The following DPYSL2 variants were observed in gnomAD, a reference collection of about 807,000 sequenced individuals.
The protein encoded by DPYSL2 is dihydropyrimidinase like 2, also known as dihydropyrimidinase-related protein 2.
In DPYSL2, 13 loss-of-function variants were observed where a neutral mutation model predicts 69.9. That is an observed-to-expected ratio of 0.19 (90% CI 0.12 to 0.30). The LOEUF (loss-of-function observed/expected upper bound fraction) is 0.30. Ranked by LOEUF, DPYSL2 falls within the 10% of genes least tolerant of loss-of-function variation. DPYSL2 has a pLI of 1.00. For synonymous variants in DPYSL2, 326 were observed against 359.1 expected (o/e 0.91, Z 1.04); for missense variants, 587 against 918.9 (o/e 0.64, Z 4.67).
At position 26,640,775 on chromosome 8, in the gene DPYSL2, C is replaced by T. The variant is rs1238744743; in HGVS notation, c.1127-2664C>T. ...GTAGAAATGAACCACAGGATGGCTCCATCCCTCCCCTGGCATCCACTGCCC... is the reference window on the plus strand; with the variant it reads ...GTAGAAATGAACCACAGGATGGCTCTATCCCTCCCCTGGCATCCACTGCCC... On this transcript the variant is annotated intron_variant, in intron 8 of 13. Coordinates refer to ENST00000521913, the MANE Select transcript of DPYSL2 (RefSeq NM_001197293.3). This position sits in a 1 kb window ranked among gnomAD's most constrained non-coding sequence, Gnocchi z 4.2. Among the ~76,000 whole-genome samples the T allele has an allele frequency of 6.6e-6, 1 of 152,206 alleles. No individual in the cohort carries two copies. The highest frequency in any genetic ancestry group is 1.5e-5 in the Non-Finnish European group (1 of 68,030).
intron 3 of DPYSL2, among the ~76,000 whole-genome samples, chr8:26,612,212 C>T (rs1019638720): frequency 2.0e-5 from 3 of 152,112 alleles, no homozygotes; most frequent in South Asian, 2.1e-4. Flanking sequence ...GAAAAAGCAG[C>T]GCTGTCTGGG....
intron 10 of DPYSL2, among the ~76,000 whole-genome samples, chr8:26,645,907 C>G (rs931162887): frequency 4.0e-5 from 6 of 149,962 alleles, no homozygotes; most frequent in African/African-American, 1.5e-4. Context: ...CTCTTTCCCC[C>G]CAGGCTGGAG....
intron 1 of DPYSL2, among the ~76,000 whole-genome samples, chr8:26,527,617 TG>T (rs1006102548): frequency 6.6e-6 from 1 of 152,012 alleles, no homozygotes; most frequent in African/African-American, 2.4e-5. Flanking sequence ...AAAAATGAAT[TG>T]GGGGGGCTGT....
Position 26,591,323 on chromosome 8 carries a change from T to G in DPYSL2, c.628+7340T>G, listed in dbSNP as rs986559447. Among the ~76,000 whole-genome samples the G allele has an allele frequency of 1.3e-5, 2 of 152,238 alleles. No individual in the cohort carries two copies. The highest frequency in any genetic ancestry group is 4.8e-5 in the African/African-American group (2 of 41,466). On this transcript the variant is annotated intron_variant, in intron 3 of 13. Coordinates refer to ENST00000521913, the MANE Select transcript of DPYSL2 (RefSeq NM_001197293.3). The surrounding 1 kb of genome is among the most constrained non-coding windows in gnomAD (Gnocchi z 5.8). ...ATGCTAGGCTCCAGCAAGTTCTGCC[T>G]GACCTTTGGATGTGAGGGTCAGGCA...
At chr8:26,630,843 C>T (rs1023895101) in intron 7 of DPYSL2, among the ~76,000 whole-genome samples, 46 of 152,348 alleles carry the variant, frequency 3.0e-4, no homozygotes, top group African/African-American at 1.1e-3. Flanking sequence ...TGTACACATA[C>T]TCAGCTTAAA....
At position 26,634,902 on chromosome 8, in the gene DPYSL2, T is replaced by C. The variant is rs1355872422; in HGVS notation, c.1126+2T>C. ...TCATCGCCCAGGCACGGAAGAAGGG[T>C]GAGTGCTGTGGCCGGACTGGCTGAT... is the stretch of plus-strand genomic sequence containing the variant. On this transcript the variant is annotated splice_donor_variant, in intron 8 of 13. Coordinates refer to ENST00000521913, the MANE Select transcript of DPYSL2 (RefSeq NM_001197293.3). LOFTEE classifies it high-confidence loss of function. 1 of 1,613,918 alleles carries C rather than the reference T, an allele frequency of 6.2e-7. No homozygotes were observed. The highest frequency in any genetic ancestry group is 1.7e-5 in the Admixed American group (1 of 59,998).
At chr8:26,553,929 C>T (rs764789000) in intron 1 of DPYSL2, among the ~76,000 whole-genome samples, 1 of 145,946 alleles carries the variant, frequency 6.9e-6, no homozygotes, top group Admixed American at 6.9e-5. Flanking sequence ...GACGGAGTCT[C>T]ACTCTGCCAC....
chr8:26,626,301 G>T lies in DPYSL2; in HGVS notation c.794-316G>T, dbSNP rs1180760927. On this transcript the variant is annotated intron_variant, in intron 4 of 13. Coordinates refer to ENST00000521913, the MANE Select transcript of DPYSL2 (RefSeq NM_001197293.3). This position sits in a 1 kb window ranked among gnomAD's most constrained non-coding sequence, Gnocchi z 4.3. ...TGTGAATAATTCTGCTATGAACATG[G>T]ATGTGCAAACACTGGCAACTTTTAA... Among the ~76,000 whole-genome samples, 1 of 152,144 alleles carries T rather than the reference G, an allele frequency of 6.6e-6. No homozygotes were observed. Among genetic ancestry groups the T allele is most frequent in the Non-Finnish European group, 1.5e-5 (1 of 68,024 alleles).
At position 26,648,229 on chromosome 8, in the gene DPYSL2, A is replaced by G. The variant is rs1229305669; in HGVS notation, c.1596+429A>G. Among the ~76,000 whole-genome samples the G allele has an allele frequency of 1.3e-5, 2 of 152,182 alleles. No individual in the cohort carries two copies. The highest frequency in any genetic ancestry group is 4.8e-5 in the African/African-American group (2 of 41,454). ...GATCCTCTTAAGCCATTGTTTTCTC[A>G]GGCCAGTATCCATGCAGAAAACTGG... is the stretch of plus-strand genomic sequence containing the variant. On this transcript the variant is annotated intron_variant, in intron 11 of 13. Transcript: ENST00000521913. This position sits in a 1 kb window ranked among gnomAD's most constrained non-coding sequence, Gnocchi z 4.3.
rs1386237285 is a variant in DPYSL2, at chr8:26,586,708, C to T, written c.628+2725C>T. 6.6e-6 allele frequency among the ~76,000 whole-genome samples: 1 copy of T among 152,192 alleles called. No homozygotes were observed. The highest frequency in any genetic ancestry group is 1.5e-5 in the Non-Finnish European group (1 of 68,042). On this transcript the variant is annotated intron_variant, in intron 3 of 13. Transcript: ENST00000521913. This position sits in a 1 kb window ranked among gnomAD's most constrained non-coding sequence, Gnocchi z 4.7. ...GGACATCCCCCTCTGAGTGCAGCAC[C>T]TGGCCCAGGGAGCTCAGAAGAGTCA...
rs920632 is a variant in DPYSL2 at position 26,588,313 on chromosome 8, C to T, written c.628+4330C>T. 0.017 allele frequency among the ~76,000 whole-genome samples: 2,643 copies of T among 152,248 alleles called. 33 individuals are homozygous for T. The highest frequency in any genetic ancestry group is 0.068 in the Middle Eastern group (20 of 294). ...GTGCTTTGTGTGTTGCTTCTGGGGG[C>T]GGCATCTTGAAACATTACACTTCCT... On this transcript the variant is annotated intron_variant, in intron 3 of 13. Coordinates refer to ENST00000521913, the MANE Select transcript of DPYSL2 (RefSeq NM_001197293.3). The surrounding 1 kb of genome is among the most constrained non-coding windows in gnomAD (Gnocchi z 5.4).
intron 3 of DPYSL2, among the ~76,000 whole-genome samples, chr8:26,594,841 A>G (rs917837830): frequency 6.6e-6 from 1 of 152,206 alleles, no homozygotes; most frequent in Non-Finnish European, 1.5e-5. Flanking sequence ...GCCTATGTAC[A>G]TGAGTTTGCG....
At position 26,621,804 on chromosome 8, in the gene DPYSL2, A is replaced by G. The variant is rs368146885; in HGVS notation, c.629-2339A>G. ...GCCGGGGTGGCCATTGTGGGTGAGC[A>G]GGTCAGGGATAAAGAGTACCTTGGA... On this transcript the variant is annotated intron_variant, in intron 3 of 13. Transcript: ENST00000521913. This position sits in a 1 kb window ranked among gnomAD's most constrained non-coding sequence, Gnocchi z 4.9. Among the ~76,000 whole-genome samples, 3 of 152,150 alleles carry G rather than the reference A, an allele frequency of 2.0e-5. No individual in the cohort carries two copies. Among genetic ancestry groups the G allele is most frequent in the African/African-American group, 7.2e-5 (3 of 41,444 alleles).
Position 26,627,154 on chromosome 8 carries a change from G to C in DPYSL2, c.856-61G>C, listed in dbSNP as rs1802637788. The stretch of plus-strand genomic sequence containing the variant: ...AAATGCCTCTGGTGGGGAGATGATT[G>C]TCTTTGTGAACAGGAAGATGGAAGT... On this transcript the variant is annotated intron_variant, in intron 5 of 13. Transcript: ENST00000521913. The surrounding 1 kb of genome is among the most constrained non-coding windows in gnomAD (Gnocchi z 6.9). 2 of 1,501,470 alleles carry C rather than the reference G, an allele frequency of 1.3e-6. No homozygotes were observed. The highest frequency in any genetic ancestry group is 2.3e-5 in the South Asian group (2 of 88,012). 93.0% of individuals were successfully genotyped at this position (1,501,470 alleles called of 1,614,324 possible).
chr8:26,566,634 G>A (rs75406623), intron 1 of DPYSL2, among the ~76,000 whole-genome samples: 1 of 152,092 alleles, frequency 6.6e-6, no homozygotes, highest in African/African-American at 2.4e-5. Context: ...TGAGAAGAAA[G>A]AGAATGGAAA....
intron 1 of DPYSL2, among the ~76,000 whole-genome samples, chr8:26,581,198 G>A (rs1040782991): frequency 5.3e-5 from 8 of 152,114 alleles, no homozygotes; most frequent in African/African-American, 1.9e-4. Flanking sequence ...CCTTGCTATG[G>A]TTGAACCCAG....
At chr8:26,549,223 A>C (rs146882290) in intron 1 of DPYSL2, among the ~76,000 whole-genome samples, 39 of 137,472 alleles carry the variant, frequency 2.8e-4, no homozygotes, top group Middle Eastern at 4.3e-3. Context: ...TAATAATAAT[A>C]ATAATCAAAA....
chr8:26,567,280 CCCAT>C (rs143811544), intron 1 of DPYSL2, among the ~76,000 whole-genome samples: 1 of 149,174 alleles, frequency 6.7e-6, no homozygotes, highest in Non-Finnish European at 1.5e-5. Context: ...TATCCACCTA[CCCAT>C]CCATCCATCC....
intron 11 of DPYSL2, among the ~76,000 whole-genome samples, chr8:26,649,329 C>A (rs1200937350): frequency 6.6e-6 from 1 of 152,164 alleles, no homozygotes; most frequent in Non-Finnish European, 1.5e-5. Flanking sequence ...AAGGTTGCTT[C>A]CCCCAGAGGT....
Sources: gnomAD v4.1 joint callset for allele counts (sites outside exome capture counted in the v4.1 genomes callset) on GRCh38, gnomAD v4.1.1 for gene constraint, Gnocchi (gnomAD v3.1) non-coding constraint, MANE v1.5 for transcripts, NCBI Gene and HGNC (gene_info 2026-07-23, HGNC 2026-07-21) for gene names.